Variants in GAN observed in about 807,000 individuals in gnomAD.
GAN encodes gigaxonin, also known as epididymis secretory sperm binding protein.
GAN carries 48 observed loss-of-function variants against 71.3 expected under a neutral mutation model. The ratio of observed to expected loss-of-function variants is 0.67; its 90% CI spans 0.53 to 0.86. The LOEUF is 0.86. GAN is among the 40% of genes least tolerant of loss of function. The probability of loss-of-function intolerance (pLI) is 0.00; values close to 1 mark genes in which losing one functional copy is unlikely to be tolerated. For synonymous variants in GAN, 386 were observed against 276.8 expected (o/e 1.39, Z -3.92); for missense variants, 928 against 770.1 (o/e 1.21, Z -2.43).
chr16:81,335,252 C>CT (rs1208766397), intron 1 of GAN, among the ~76,000 whole-genome samples: 2 of 151,628 alleles, frequency 1.3e-5, no homozygotes, highest in East Asian at 3.9e-4. Flanking sequence ...AGTTTGGAAC[C>CT]TAGGAATCTG....
chr16:81,357,291 G>A (rs1003645370), intron 4 of GAN, among the ~76,000 whole-genome samples: 52 of 152,080 alleles, frequency 3.4e-4, no homozygotes, highest in Non-Finnish European at 1.6e-4. Context: ...AGAGTGTGAT[G>A]TTCCCCTTCC....
intron 1 of GAN, among the ~76,000 whole-genome samples, chr16:81,319,392 C>T (rs1295763546): frequency 6.6e-6 from 1 of 151,934 alleles, no homozygotes; most frequent in Non-Finnish European, 1.5e-5. Flanking sequence ...ATGTCTGAGG[C>T]TCTTCCGATT....
intron 1 of GAN, among the ~76,000 whole-genome samples, chr16:81,339,843 T>C (rs548749263): frequency 1.3e-3 from 194 of 152,130 alleles, no homozygotes; most frequent in African/African-American, 4.4e-3. Flanking sequence ...AAGGGCAGGA[T>C]AGGATGATGG....
chr16:81,315,851 C>T lies in GAN; in HGVS notation c.167+571C>T, dbSNP rs563411449. ...GCTGGGTGCAGGCAGAGAAAACCCT[C>T]TCGATGTTCTCCTTGGGTTGGTAGT... On this transcript the variant is annotated intron_variant, in intron 1 of 10. Transcript: ENST00000648994. 8.2e-4 allele frequency among the ~76,000 whole-genome samples: 125 copies of T among 152,390 alleles called. 1 individual carries two copies. Among genetic ancestry groups the T allele is most frequent in the African/African-American group, 2.8e-3 (118 of 41,602 alleles).
Position 81,377,296 on chromosome 16 carries a change from C to T in GAN, c.1580C>T (p.Ala527Val). The T allele has an allele frequency of 6.2e-7, 1 of 1,607,576 alleles. No homozygotes were observed. The highest frequency in any genetic ancestry group is 8.5e-7 in the Non-Finnish European group (1 of 1,174,126). The change falls in exon 10 of 11, where the codon GCC (alanine) becomes GTC (valine). Residue 527 changes from alanine (A) to valine (V), a missense_variant. By Grantham distance (64) the Ala-to-Val change is moderately conservative. Transcript: ENST00000648994. The stretch of plus-strand genomic sequence containing the variant: ...GTTTATGGAGCTGTACCTATAGGAG[C>T]CAGTATTTATGTTATTGGAGATCTT... ...SFVYGAVPIG[A>V]SIYVIGDLDT...
chr16:81,384,321 A>G lies in GAN; in HGVS notation c.*6725A>G, dbSNP rs931559063. The G allele has an allele frequency of 1.3e-5, 2 of 151,880 alleles. No homozygotes were observed. Among genetic ancestry groups the G allele is most frequent in the African/African-American group, 4.8e-5 (2 of 41,388 alleles). The allele number at this position is 151,880 out of a possible 1,614,324, so 9.4% of individuals were successfully genotyped here. Reference sequence around the variant, plus strand: ...TACTTAAAAAAAAAAAAAAAAGAAAAGAAAAAAAAGCACTTACAACCAGGA... The same window carrying G: ...TACTTAAAAAAAAAAAAAAAAGAAAGGAAAAAAAAGCACTTACAACCAGGA... On this transcript the variant is annotated 3_prime_UTR_variant, in exon 11 of 11. Coordinates refer to ENST00000648994, the MANE Select transcript of GAN (RefSeq NM_022041.4).
intron 1 of GAN, among the ~76,000 whole-genome samples, chr16:81,323,861 C>G (rs149054828): frequency 5.5e-4 from 84 of 152,100 alleles, no homozygotes; most frequent in African/African-American, 2.0e-3. Flanking sequence ...ATTCAGTGGC[C>G]TCCCACAGAG....
chr16:81,342,499 A>G (rs544147078), intron 1 of GAN, among the ~76,000 whole-genome samples: 7 of 152,330 alleles, frequency 4.6e-5, no homozygotes, highest in African/African-American at 1.4e-4. Flanking sequence ...GCACAACTAC[A>G]TGGAAACTGA....
chr16:81,332,626 A>G (rs142618966), intron 1 of GAN, among the ~76,000 whole-genome samples: 34 of 152,232 alleles, frequency 2.2e-4, no homozygotes, highest in African/African-American at 7.7e-4. Context: ...CTTCCCTTGT[A>G]CATAGCACAT....
intron 9 of GAN, among the ~76,000 whole-genome samples, chr16:81,369,202 C>T (rs1597409309): frequency 6.6e-6 from 1 of 152,214 alleles, no homozygotes; most frequent in Non-Finnish European, 1.5e-5. Flanking sequence ...ACATACTTGA[C>T]AACTGGCAAA....
intron 4 of GAN, among the ~76,000 whole-genome samples, chr16:81,357,511 G>A (rs1910530167): frequency 6.6e-6 from 1 of 152,086 alleles, no homozygotes; most frequent in Non-Finnish European, 1.5e-5. Flanking sequence ...TATCAATGTT[G>A]GACATTTGGG....
At chr16:81,321,165 C>G (rs769300793) in intron 1 of GAN, among the ~76,000 whole-genome samples, 1 of 152,152 alleles carries the variant, frequency 6.6e-6, no homozygotes, top group Non-Finnish European at 1.5e-5. Flanking sequence ...TGTTCTAATT[C>G]TGGAGAGGTT....
intron 9 of GAN, among the ~76,000 whole-genome samples, chr16:81,376,964 C>G (rs760861703): frequency 1.3e-5 from 2 of 152,160 alleles, no homozygotes; most frequent in Non-Finnish European, 2.9e-5. Flanking sequence ...TCTCAGAAAC[C>G]TTGTGCTGAG....
At position 81,384,362 on chromosome 16, in the gene GAN, C is replaced by G. The variant is rs1301060238; in HGVS notation, c.*6766C>G. 6.6e-6 allele frequency: 1 copy of G among 151,428 alleles called. No homozygotes were observed. Among genetic ancestry groups the G allele is most frequent in the Non-Finnish European group, 1.5e-5 (1 of 67,936 alleles). 9.4% of individuals were successfully genotyped at this position (151,428 alleles called of 1,614,324 possible). Reference sequence around the variant, plus strand: ...ACAACCAGGAGGAATAATAATTCTCCTAGAGTTGCTGCAAACTGATTACTT... The same window carrying G: ...ACAACCAGGAGGAATAATAATTCTCGTAGAGTTGCTGCAAACTGATTACTT... On this transcript the variant is annotated 3_prime_UTR_variant, in exon 11 of 11. Transcript: ENST00000648994.
At chr16:81,355,274 G>A (rs1285524235) in intron 3 of GAN, among the ~76,000 whole-genome samples, 1 of 152,180 alleles carries the variant, frequency 6.6e-6, no homozygotes, top group South Asian at 2.1e-4. Flanking sequence ...AAGAGGGAAG[G>A]TTCTGGGAGT....
At chr16:81,329,412 C>G (rs1202787098) in intron 1 of GAN, among the ~76,000 whole-genome samples, 1 of 152,176 alleles carries the variant, frequency 6.6e-6, no homozygotes, top group Non-Finnish European at 1.5e-5. Flanking sequence ...AAAAAGTAAA[C>G]AGACTCTGCA....
intron 2 of GAN, among the ~76,000 whole-genome samples, chr16:81,353,005 G>C (rs369983381): frequency 6.6e-6 from 1 of 152,194 alleles, no homozygotes; most frequent in African/African-American, 2.4e-5. Flanking sequence ...TAAAACGATA[G>C]TTGGGGCCGG....
At chr16:81,318,075 C>G (rs1031875039) in intron 1 of GAN, among the ~76,000 whole-genome samples, 3 of 152,138 alleles carry the variant, frequency 2.0e-5, no homozygotes, top group African/African-American at 4.8e-5. Context: ...TGTATTTTTA[C>G]TGGTAATTTT....
chr16:81,372,204 C>T (rs887976991), intron 9 of GAN, among the ~76,000 whole-genome samples: 1 of 152,204 alleles, frequency 6.6e-6, no homozygotes, highest in African/African-American at 2.4e-5. Context: ...ATCATTATAG[C>T]CCCCATGTAC....
Sources: allele counts gnomAD v4.1 joint callset (sites outside exome capture counted in the v4.1 genomes callset), GRCh38; gene constraint gnomAD v4.1.1; transcripts MANE v1.5; gene names NCBI Gene and HGNC (gene_info 2026-07-23, HGNC 2026-07-21).